The following RSU1 variants were observed in gnomAD, a reference collection of about 807,000 sequenced individuals.
RSU1 encodes the protein Ras suppressor protein 1.
RSU1 carries 26 observed loss-of-function variants against 31.1 expected under a neutral mutation model. That is an observed-to-expected ratio of 0.84 (90% CI 0.61 to 1.16). The LOEUF (loss-of-function observed/expected upper bound fraction) is 1.16, where lower values mean the gene tolerates loss of function less well. RSU1 is among the 50% of genes most tolerant of loss of function. The probability of loss-of-function intolerance (pLI) is 0.00; values close to 1 mark genes in which losing one functional copy is unlikely to be tolerated. For synonymous variants in RSU1, 164 were observed against 136.3 expected (o/e 1.20, Z -1.41); for missense variants, 320 against 339.1 (o/e 0.94, Z 0.44).
At chr10:16,773,947 C>CA (rs1241083337) in intron 3 of RSU1, among the ~76,000 whole-genome samples, 2 of 151,744 alleles carry the variant, frequency 1.3e-5, no homozygotes, top group Admixed American at 6.6e-5. Context: ...AAAGAACCAG[C>CA]AAAAAATTAG....
rs1020264881 is a variant in RSU1 at position 16,592,271 on chromosome 10, T to A, written c.*1123A>T. On this transcript the variant is annotated 3_prime_UTR_variant, in exon 9 of 9. Coordinates refer to ENST00000345264, the MANE Select transcript of RSU1 (RefSeq NM_012425.4). ...CCAGGCCATTTGAAAAGACGGTGCA[T>A]CTTCACATACCATTTTTTTTGTGTC... The A allele has an allele frequency of 6.6e-6, 1 of 152,204 alleles. No homozygotes were observed. The highest frequency in any genetic ancestry group is 6.5e-5 in the Admixed American group (1 of 15,270). The allele number at this position is 152,204 out of a possible 1,614,324, so 9.4% of individuals were successfully genotyped here.
intron 7 of RSU1, among the ~76,000 whole-genome samples, chr10:16,722,097 A>G (rs2131590927): frequency 6.6e-6 from 1 of 152,298 alleles, no homozygotes; most frequent in Non-Finnish European, 1.5e-5. Flanking sequence ...TTTGAGAGAG[A>G]GATACTACAT....
At chr10:16,677,451 G>A (rs1050050675) in intron 8 of RSU1, among the ~76,000 whole-genome samples, 3 of 152,224 alleles carry the variant, frequency 2.0e-5, no homozygotes, top group Admixed American at 1.3e-4. Context: ...AATGGGGGTA[G>A]GAAGTTGGGA....
intron 8 of RSU1, among the ~76,000 whole-genome samples, chr10:16,634,480 G>A (rs1275435718): frequency 1.3e-5 from 2 of 152,144 alleles, no homozygotes; most frequent in East Asian, 3.8e-4. Context: ...TTTTACACAC[G>A]AGTAGAGTCC....
At chr10:16,700,777 T>C (rs1225035922) in intron 7 of RSU1, among the ~76,000 whole-genome samples, 2 of 152,192 alleles carry the variant, frequency 1.3e-5, no homozygotes, top group African/African-American at 4.8e-5. Context: ...CAACCGGAAA[T>C]TTCATTACCA....
At chr10:16,735,569 A>G (rs1836609041) in intron 7 of RSU1, among the ~76,000 whole-genome samples, 2 of 152,212 alleles carry the variant, frequency 1.3e-5, no homozygotes, top group Non-Finnish European at 2.9e-5. Flanking sequence ...GCTAATAAAG[A>G]CATACCCAAG....
chr10:16,671,993 G>A (rs1158300114), intron 8 of RSU1, among the ~76,000 whole-genome samples: 1 of 150,342 alleles, frequency 6.7e-6, no homozygotes, highest in East Asian at 2.0e-4. Context: ...TTACAGTTTT[G>A]CAGTTACTTA....
chr10:16,709,648 C>A (rs1048884892), intron 7 of RSU1, among the ~76,000 whole-genome samples: 2 of 152,218 alleles, frequency 1.3e-5, no homozygotes, highest in African/African-American at 4.8e-5. Context: ...CACATCCTCT[C>A]CAGCACCTGT....
chr10:16,784,048 G>A (rs1379364059), intron 2 of RSU1, among the ~76,000 whole-genome samples: 2 of 151,930 alleles, frequency 1.3e-5, no homozygotes, highest in Non-Finnish European at 2.9e-5. Context: ...TGTGAAGATT[G>A]CAGGGGCAAT....
intron 3 of RSU1, among the ~76,000 whole-genome samples, chr10:16,781,341 C>G (rs116205196): frequency 0.023 from 3,534 of 152,196 alleles, 138 homozygotes; most frequent in African/African-American, 0.081. Context: ...CTGTGGGGCT[C>G]TATGGATACC....
chr10:16,693,396 C>T (rs1209327887), intron 8 of RSU1, among the ~76,000 whole-genome samples: 1 of 151,970 alleles, frequency 6.6e-6, no homozygotes, highest in African/African-American at 2.4e-5. Context: ...GGCAGAGGCT[C>T]TGCCCTGCCA....
chr10:16,687,170 G>A (rs909970065), intron 8 of RSU1, among the ~76,000 whole-genome samples: 1 of 152,124 alleles, frequency 6.6e-6, no homozygotes, highest in East Asian at 1.9e-4. Context: ...AGTAGGACAC[G>A]TATACAATGG....
intron 8 of RSU1, among the ~76,000 whole-genome samples, chr10:16,684,654 C>T (rs1588713744): frequency 6.6e-6 from 1 of 152,154 alleles, no homozygotes; most frequent in African/African-American, 2.4e-5. Context: ...CCTGCTGACA[C>T]CTTGATCTGG....
chr10:16,702,422 CAA>C (rs1299974459), intron 7 of RSU1, among the ~76,000 whole-genome samples: 1 of 152,200 alleles, frequency 6.6e-6, no homozygotes, highest in African/African-American at 2.4e-5. Flanking sequence ...AACGCCAGCC[CAA>C]TAGAGCAGTC....
At chr10:16,685,368 CCA>C (rs1835422979) in intron 8 of RSU1, among the ~76,000 whole-genome samples, 1 of 152,096 alleles carries the variant, frequency 6.6e-6, no homozygotes, top group East Asian at 1.9e-4. Context: ...CAGGGCGAGT[CCA>C]CAGAGTAAAG....
At chr10:16,664,116 T>C (rs955595953) in intron 8 of RSU1, among the ~76,000 whole-genome samples, 3 of 152,198 alleles carry the variant, frequency 2.0e-5, no homozygotes, top group African/African-American at 4.8e-5. Flanking sequence ...TAAAATATAC[T>C]GCACAGAAGC....
rs1407659720 is a variant in RSU1, at chr10:16,646,081, CACACACACAT to C, written c.731+48932_731+48941del. On this transcript the variant is annotated intron_variant, in intron 8 of 8. Transcript: ENST00000345264. ...ATATATACACACACACACACACACACACACACACATACATATATAAATGTGCATTCAAAAC... is the reference window on the plus strand; with the variant it reads ...ATATATACACACACACACACACACACACATATATAAATGTGCATTCAAAAC... Among the ~76,000 whole-genome samples the C allele has an allele frequency of 7.4e-5, 10 of 135,892 alleles. 1 individual carries two copies. The highest frequency in any genetic ancestry group is 4.4e-4 in the South Asian group (2 of 4,552). 89.2% of individuals were successfully genotyped at this position (135,892 alleles called of 152,430 possible).
rs199804853 is a variant in RSU1 at position 16,695,166 on chromosome 10, G to T, written c.599-11C>A. The stretch of plus-strand genomic sequence containing the variant: ...TTAAATCCAAGTTTCCTGGGGGGGG[G>T]GAAAAAAAAAGTGAAGGTCACTTCA... On this transcript the variant is annotated splice_polypyrimidine_tract_variant and intron_variant, in intron 7 of 8. Coordinates refer to ENST00000345264, the MANE Select transcript of RSU1 (RefSeq NM_012425.4). The T allele has an allele frequency of 7.2e-7, 1 of 1,381,664 alleles. No homozygotes were observed. Among genetic ancestry groups the T allele is most frequent in the Non-Finnish European group, 9.8e-7 (1 of 1,022,670 alleles). 85.6% of individuals were successfully genotyped at this position (1,381,664 alleles called of 1,614,324 possible).
At chr10:16,689,995 C>T (rs1405845701) in intron 8 of RSU1, among the ~76,000 whole-genome samples, 3 of 152,180 alleles carry the variant, frequency 2.0e-5, no homozygotes, top group African/African-American at 7.2e-5. Context: ...CTTTTGTTAA[C>T]TTGTTGACAA....
Sources: allele counts gnomAD v4.1 joint callset (sites outside exome capture counted in the v4.1 genomes callset), GRCh38; gene constraint gnomAD v4.1.1; transcripts MANE v1.5; gene names NCBI Gene and HGNC (gene_info 2026-07-23, HGNC 2026-07-21).